The following CFTR variants were observed in gnomAD, a reference collection of about 807,000 sequenced individuals.
The protein encoded by CFTR is cystic fibrosis transmembrane conductance regulator.
A neutral mutation model predicts 171.6 loss-of-function variants in CFTR; 181 were observed. The observed-to-expected ratio is 1.05, with a 90% CI of 0.93 to 1.19. CFTR has a LOEUF of 1.19. Ranked by LOEUF, CFTR falls within the 50% of genes most tolerant of loss-of-function variation. CFTR has a pLI of 0.00. For missense variants in CFTR, 1,968 were observed against 1,734.7 expected (o/e 1.13, Z -2.39); for synonymous variants, 583 against 608.0 (o/e 0.96, Z 0.60).
At chr7:117,627,444 AT>A (rs2116128490) in intron 21 of CFTR, 77 bp from the exon 22 acceptor site, 1 of 1,489,578 alleles carries the variant, frequency 6.7e-7, no homozygotes. Context: ...TTTACAAGTT[AT>A]TTTTTAGGAA....
intron 8 of CFTR, among the ~76,000 whole-genome samples, chr7:117,541,766 T>G (rs1042095435): frequency 1.3e-5 from 2 of 152,202 alleles, no homozygotes; most frequent in Non-Finnish European, 2.9e-5. Flanking sequence ...CAGTTGTATG[T>G]TAAATCTAAT....
chr7:117,489,850 AATAC>A (rs1327174027), intron 1 of CFTR, among the ~76,000 whole-genome samples: 3 of 151,948 alleles, frequency 2.0e-5, no homozygotes, highest in East Asian at 3.9e-4. Flanking sequence ...AATATTTTAA[AATAC>A]ATACATTTCA....
chr7:117,565,936 C>T (rs1791594154), intron 11 of CFTR, among the ~76,000 whole-genome samples: 1 of 152,104 alleles, frequency 6.6e-6, no homozygotes, highest in African/African-American at 2.4e-5. Flanking sequence ...GCAGATATCA[C>T]ATGACTGATT....
At chr7:117,642,263 T>C (rs897317191) in intron 22 of CFTR, among the ~76,000 whole-genome samples, 175 bp from the exon 23 acceptor site, 1 of 152,190 alleles carries the variant, frequency 6.6e-6, no homozygotes, top group Non-Finnish European at 1.5e-5. Context: ...TCTCCATATA[T>C]CAACATTGGT....
intron 3 of CFTR, among the ~76,000 whole-genome samples, chr7:117,524,644 G>A (rs1314160860): frequency 2.0e-5 from 3 of 151,838 alleles, no homozygotes; most frequent in African/African-American, 4.8e-5. Context: ...AAAAATCCTC[G>A]AATCTAGAGA....
intron 1 of CFTR, among the ~76,000 whole-genome samples, chr7:117,491,081 C>A (rs947374850): frequency 7.2e-5 from 11 of 152,136 alleles, no homozygotes; most frequent in Admixed American, 7.2e-4. Context: ...GCCTACTACA[C>A]ACCTAGGCAA....
intron 3 of CFTR, among the ~76,000 whole-genome samples, chr7:117,514,171 A>AT (rs11430349): frequency 0.11 from 16,787 of 150,588 alleles, 1,424 homozygotes; most frequent in East Asian, 0.41. Context: ...GTTTAGTTTA[A>AT]TTTTTTTTTT....
chr7:117,621,100 C>A (rs763373931), intron 21 of CFTR, among the ~76,000 whole-genome samples: 2 of 152,044 alleles, frequency 1.3e-5, no homozygotes, highest in Non-Finnish European at 2.9e-5. Flanking sequence ...GACTCCATCA[C>A]AAACAAAACA....
rs73486725 is a variant in CFTR at position 117,541,269 on chromosome 7, A to C, written c.1117-747A>C. Among the ~76,000 whole-genome samples, 309 of 152,284 alleles carry C rather than the reference A, an allele frequency of 2.0e-3. 2 individuals are homozygous for C. Among genetic ancestry groups the C allele is most frequent in the African/African-American group, 7.1e-3 (297 of 41,560 alleles). Reference sequence around the variant, plus strand: ...GAGAGAGAGAGAGAGAGAAAGAAAGAAGAAGAAACAGATCTGGGGAGAGTC... The same window carrying C: ...GAGAGAGAGAGAGAGAGAAAGAAAGCAGAAGAAACAGATCTGGGGAGAGTC... On this transcript the variant is annotated intron_variant, in intron 8 of 26. Coordinates refer to ENST00000003084, the MANE Select transcript of CFTR (RefSeq NM_000492.4).
rs753963572 is a variant in CFTR, at chr7:117,666,991, C to G, written c.4326C>G (p.Ser1442Arg). ...NERSLFRQAI[S>R]PSDRVKLFPH... Reference sequence around the variant, plus strand: ...GGAGCCTCTTCCGGCAAGCCATCAGCCCCTCCGACAGGGTGAAGCTCTTTC... The same window carrying G: ...GGAGCCTCTTCCGGCAAGCCATCAGGCCCTCCGACAGGGTGAAGCTCTTTC... The change falls in exon 27 of 27, where the codon AGC becomes AGG. Residue 1442 changes from serine (S) to arginine (R), a missense_variant. Coordinates refer to ENST00000003084, the MANE Select transcript of CFTR (RefSeq NM_000492.4). The G allele has an allele frequency of 6.2e-7, 1 of 1,613,924 alleles. No individual in the cohort carries two copies. The highest frequency in any genetic ancestry group is 1.1e-5 in the South Asian group (1 of 91,072).
rs763211778 is a variant in CFTR, at chr7:117,642,602, A to G, written c.3873+9A>G. 23 of 1,613,032 alleles carry G rather than the reference A, an allele frequency of 1.4e-5. No individual in the cohort carries two copies. The highest frequency in any genetic ancestry group is 1.9e-5 in the Non-Finnish European group (22 of 1,179,450). ...TTGGAGTGATACCACAGGTGAGCAAAAGGACTTAGCCAGAAAAAAGGCAAC... is the reference window on the plus strand; with the variant it reads ...TTGGAGTGATACCACAGGTGAGCAAGAGGACTTAGCCAGAAAAAAGGCAAC... On this transcript the variant is annotated intron_variant, in intron 23 of 26. Transcript: ENST00000003084.
rs530382556 is a variant in CFTR at position 117,587,952 on chromosome 7, T to C, written c.1679+119T>C. 1.8e-4 allele frequency: 128 copies of C among 706,598 alleles called. No homozygotes were observed. In the East Asian group the frequency reaches 3.5e-3, roughly 19 times the overall value. 43.8% of individuals were successfully genotyped at this position (706,598 alleles called of 1,614,324 possible). On this transcript the variant is annotated intron_variant, in intron 12 of 26. Coordinates refer to ENST00000003084, the MANE Select transcript of CFTR (RefSeq NM_000492.4). Reference sequence around the variant, plus strand: ...TTCTGGAATTGAAAAAATCCTGGGGTTTTATGGCTAGTGGGTTAAGAATCA... The same window carrying C: ...TTCTGGAATTGAAAAAATCCTGGGGCTTTATGGCTAGTGGGTTAAGAATCA...
chr7:117,480,311 G>A (rs978467903), intron 1 of CFTR, among the ~76,000 whole-genome samples, 164 bp downstream of exon 1: 14 of 152,176 alleles, frequency 9.2e-5, no homozygotes, highest in Non-Finnish European at 1.5e-4. Context: ...AAAACAGAAA[G>A]CATTAAGAAG....
intron 10 of CFTR, among the ~76,000 whole-genome samples, chr7:117,552,085 CATATAT>C (rs567583389): frequency 1.3e-5 from 2 of 152,032 alleles, no homozygotes; most frequent in African/African-American, 4.8e-5. Context: ...TACACACACA[CATATAT>C]ATATGACACT....
At position 117,603,652 on chromosome 7, in the gene CFTR, G is replaced by T. The variant is rs767910302; in HGVS notation, c.2778G>T (p.Leu926Phe). ...FYIYVGVADT[L>F]LAMGFFRGLP... ...TTTACGTGGGAGTAGCCGACACTTT[G>T]CTTGCTATGGGATTCTTCAGAGGTC... Residue 926 changes from leucine (L) to phenylalanine (F), a missense_variant, in exon 17 of 27, where the codon TTG (leucine) becomes TTT (phenylalanine). Physicochemically the swap from Leu to Phe is conservative, Grantham distance 22. Transcript: ENST00000003084. The T allele has an allele frequency of 2.7e-5, 43 of 1,613,960 alleles. No individual in the cohort carries two copies. The highest frequency in any genetic ancestry group is 3.6e-5 in the Non-Finnish European group (43 of 1,179,976).
In CFTR at chr7:117,667,103, C is replaced by T; in HGVS notation, c.4438C>T (p.Leu1480Phe). 1 of 1,613,632 alleles carries T rather than the reference C, an allele frequency of 6.2e-7. No homozygotes were observed. Among genetic ancestry groups the T allele is most frequent in the East Asian group, 2.2e-5 (1 of 44,842 alleles). The change falls in exon 27 of 27, where the codon CTT (leucine) becomes TTT (phenylalanine). Residue 1480 changes from leucine (L) to phenylalanine (F), a missense_variant. Physicochemically the swap from Leu to Phe is conservative, Grantham distance 22 (BLOSUM62 0). Transcript: ENST00000003084. Reference sequence around the variant, plus strand: ...AGAAGAAGAGGTGCAAGATACAAGGCTTTAGAGAGCAGCATAAATGTTGAC... The same window carrying T: ...AGAAGAAGAGGTGCAAGATACAAGGTTTTAGAGAGCAGCATAAATGTTGAC... ...ETEEEVQDTR[L>F] is the part of the protein sequence containing the mutation.
chr7:117,619,853 G>T (rs1792547985), intron 21 of CFTR, among the ~76,000 whole-genome samples: 1 of 152,008 alleles, frequency 6.6e-6, no homozygotes. Flanking sequence ...AGAGTTTTCT[G>T]TCAATACAAA....
At chr7:117,546,629 T>G (rs1799151756) in intron 9 of CFTR, among the ~76,000 whole-genome samples, 1 of 152,194 alleles carries the variant, frequency 6.6e-6, no homozygotes, top group Non-Finnish European at 1.5e-5. Context: ...TAATCAGAAA[T>G]AAAAGTTATT....
rs1369001389 is a variant in CFTR at position 117,480,124 on chromosome 7, C to T, written c.30C>T (p.Ser10=). The change falls in exon 1 of 27, where the codon AGC becomes AGT. Residue 10 remains serine, a synonymous_variant. Transcript: ENST00000003084. The part of the protein sequence containing the change: MQRSPLEKA[S]VVSKLFFSWT... ...AGAGGTCGCCTCTGGAAAAGGCCAG[C>T]GTTGTCTCCAAACTTTTTTTCAGGT... 1 of 1,613,806 alleles carries T rather than the reference C, an allele frequency of 6.2e-7. No individual in the cohort carries two copies. The highest frequency in any genetic ancestry group is 2.2e-5 in the East Asian group (1 of 44,864).
Sources: gnomAD v4.1 joint callset for allele counts (sites outside exome capture counted in the v4.1 genomes callset) on GRCh38, gnomAD v4.1.1 for gene constraint, MANE v1.5 for transcripts, NCBI Gene and HGNC (gene_info 2026-07-23, HGNC 2026-07-21) for gene names.